UGGT2: variants seen among roughly 807,000 people sequenced by gnomAD.
UGGT2 encodes the protein UDP-glucose glycoprotein glucosyltransferase 2.
Under a neutral mutation model 192.1 loss-of-function variants are expected in UGGT2, and 180 were observed. The observed-to-expected ratio is 0.94, with a 90% confidence interval of 0.83 to 1.06. The LOEUF (loss-of-function observed/expected upper bound fraction) is 1.06, where lower values mean the gene tolerates loss of function less well. UGGT2 is among the 50% of genes least tolerant of loss of function. UGGT2 has a pLI of 0.00. For missense variants in UGGT2, 1,849 were observed against 1,795.7 expected (o/e 1.03, Z -0.54); for synonymous variants, 580 against 591.0 (o/e 0.98, Z 0.27).
chr13:96,051,434 T>C (rs1313748670), intron 1 of UGGT2, among the ~76,000 whole-genome samples: 1 of 152,172 alleles, frequency 6.6e-6, no homozygotes, highest in Non-Finnish European at 1.5e-5. Context: ...TCTATGTACC[T>C]GCACGTTGTG....
chr13:95,981,958 T>C (rs2051139323), intron 10 of UGGT2, among the ~76,000 whole-genome samples: 1 of 152,238 alleles, frequency 6.6e-6, no homozygotes, highest in South Asian at 2.1e-4. Flanking sequence ...TGTCTTTCTC[T>C]TTTCAGTGTT....
chr13:95,927,482 T>A lies in UGGT2; in HGVS notation c.1978-146A>T, dbSNP rs576161971. 7,908 of 795,064 alleles carry A rather than the reference T, an allele frequency of 9.9e-3. 133 individuals carry two copies. Among genetic ancestry groups the A allele is most frequent in the Non-Finnish European group, 0.011 (6,026 of 540,202 alleles). The allele number at this position is 795,064 out of a possible 1,614,324, so 49.3% of individuals were successfully genotyped here. Reference sequence around the variant, plus strand: ...ATACATTTTCTTTCTTTTTTTTTTTTTTTTTTATTCTTCAGTTTGGTAAAC... The same window carrying A: ...ATACATTTTCTTTCTTTTTTTTTTTATTTTTTATTCTTCAGTTTGGTAAAC... On this transcript the variant is annotated intron_variant, in intron 17 of 38. Coordinates refer to ENST00000376747, the MANE Select transcript of UGGT2 (RefSeq NM_020121.4).
chr13:95,989,581 C>A, intron 8 of UGGT2: 1 of 402,370 alleles, frequency 2.5e-6, no homozygotes, highest in South Asian at 1.8e-5. Flanking sequence ...ATGAAACATG[C>A]AATAGTCTTA....
chr13:96,004,904 T>C (rs2051925125), intron 5 of UGGT2, among the ~76,000 whole-genome samples: 1 of 152,038 alleles, frequency 6.6e-6, no homozygotes, highest in Admixed American at 6.6e-5. Flanking sequence ...CAGAATCATA[T>C]GCTATATATT....
rs143346993 is a variant in UGGT2, at chr13:96,024,122, A to G, written c.242-363T>C. On this transcript the variant is annotated intron_variant, in intron 2 of 38. Coordinates refer to ENST00000376747, the MANE Select transcript of UGGT2 (RefSeq NM_020121.4). ...AAGAACAGCAGAAAAGTTAAATAAT[A>G]TGATTGTTAATGAATTTTAAAGTAC... is the stretch of plus-strand genomic sequence containing the variant. 6.1e-3 allele frequency among the ~76,000 whole-genome samples: 935 copies of G among 152,346 alleles called. 7 individuals are homozygous for G. Among genetic ancestry groups the G allele is most frequent in the Non-Finnish European group, 0.011 (720 of 68,036 alleles).
At chr13:95,902,134 G>A (rs2048121209) in intron 21 of UGGT2, among the ~76,000 whole-genome samples, 1 of 152,078 alleles carries the variant, frequency 6.6e-6, no homozygotes, top group Non-Finnish European at 1.5e-5. Context: ...TACGACCAAG[G>A]CTGATCTCAC....
chr13:95,899,059 T>C (rs183659944), intron 22 of UGGT2, among the ~76,000 whole-genome samples: 335 of 152,190 alleles, frequency 2.2e-3, no homozygotes, highest in Non-Finnish European at 3.6e-3. Flanking sequence ...TGAATGGAAT[T>C]TGTATCCTTA....
chr13:96,034,562 G>C (rs1348611805), intron 1 of UGGT2, among the ~76,000 whole-genome samples: 2 of 152,238 alleles, frequency 1.3e-5, no homozygotes, highest in East Asian at 3.8e-4. Context: ...ATGAAAAGGA[G>C]AGAAGAGCTG....
Position 95,801,808 on chromosome 13 carries a change from C to A in UGGT2, c.4533G>T (p.Leu1511Phe), listed in dbSNP as rs752716391. ...ACCAGTGCTAGAGTTCATCATGTGTCAAAACTATAAGGGAGAAAAGTTTAT... is the reference window on the plus strand; with the variant it reads ...ACCAGTGCTAGAGTTCATCATGTGTAAAAACTATAAGGGAGAAAAGTTTAT... ...HLENKKQDTI[L>F]THDEL Residue 1511 changes from leucine (L) to phenylalanine (F), a missense_variant, in exon 39 of 39, where the codon TTG becomes TTT. Physicochemically the swap from Leu to Phe is conservative, Grantham distance 22. Coordinates refer to ENST00000376747, the MANE Select transcript of UGGT2 (RefSeq NM_020121.4). 14 of 1,613,614 alleles carry A rather than the reference C, an allele frequency of 8.7e-6. No homozygotes were observed. Among genetic ancestry groups the A allele is most frequent in the South Asian group, 1.1e-5 (1 of 91,006 alleles).
At chr13:95,994,079 C>T (rs1185770728) in intron 7 of UGGT2, among the ~76,000 whole-genome samples, 2 of 152,036 alleles carry the variant, frequency 1.3e-5, no homozygotes, top group Admixed American at 6.6e-5. Flanking sequence ...TGGGGCTATA[C>T]ATTTGTTCAA....
intron 38 of UGGT2, among the ~76,000 whole-genome samples, chr13:95,819,531 T>A (rs1338287976): frequency 1.5e-5 from 1 of 64,706 alleles, no homozygotes; most frequent in Non-Finnish European, 4.2e-5. Flanking sequence ...TAATAGTATA[T>A]ATGTATATAT....
intron 38 of UGGT2, among the ~76,000 whole-genome samples, chr13:95,822,359 T>C (rs1032888269): frequency 6.6e-6 from 1 of 152,124 alleles, no homozygotes; most frequent in Admixed American, 6.6e-5. Context: ...CCTTCGTGTA[T>C]AGCAGTGCTA....
chr13:95,912,853 G>A (rs1045634697), intron 20 of UGGT2, among the ~76,000 whole-genome samples: 4 of 152,172 alleles, frequency 2.6e-5, no homozygotes, highest in African/African-American at 7.2e-5. Flanking sequence ...CAAGGCTACA[G>A]TAACCAAAAC....
At chr13:96,002,828 A>G (rs1425111635) in intron 5 of UGGT2, among the ~76,000 whole-genome samples, 1 of 152,214 alleles carries the variant, frequency 6.6e-6, no homozygotes, top group Non-Finnish European at 1.5e-5. Flanking sequence ...TCGCTTTCTC[A>G]CTTGTAAATC....
intron 19 of UGGT2, among the ~76,000 whole-genome samples, 189 bp from the exon 20 acceptor site, chr13:95,925,963 A>G (rs552167881): frequency 6.6e-6 from 1 of 152,234 alleles, no homozygotes; most frequent in East Asian, 1.9e-4. Flanking sequence ...ATAAATACAT[A>G]TAAAATTACA....
intron 2 of UGGT2, among the ~76,000 whole-genome samples, chr13:96,026,278 CCA>C (rs931679994): frequency 2.0e-5 from 3 of 152,084 alleles, no homozygotes; most frequent in Non-Finnish European, 2.9e-5. Flanking sequence ...GGCTATTTTT[CCA>C]AGAGTTATTC....
intron 2 of UGGT2, among the ~76,000 whole-genome samples, chr13:96,025,501 C>T (rs1257266321): frequency 6.6e-6 from 1 of 152,122 alleles, no homozygotes; most frequent in Admixed American, 6.5e-5. Context: ...TCCAACTTGC[C>T]AATATTAGAT....
intron 38 of UGGT2, among the ~76,000 whole-genome samples, chr13:95,821,582 G>C (rs1353191106): frequency 1.3e-5 from 2 of 151,734 alleles, no homozygotes; most frequent in Non-Finnish European, 2.9e-5. Context: ...TTTTTAATTA[G>C]GTCCCATTTA....
intron 16 of UGGT2, among the ~76,000 whole-genome samples, chr13:95,939,352 A>G (rs915253236): frequency 7.9e-5 from 12 of 151,982 alleles, no homozygotes; most frequent in African/African-American, 2.9e-4. Flanking sequence ...ACCCCAGAGC[A>G]TTCCTCTTTC....
Sources: allele counts gnomAD v4.1 joint callset (sites outside exome capture counted in the v4.1 genomes callset), GRCh38; gene constraint gnomAD v4.1.1; transcripts MANE v1.5; gene names NCBI Gene and HGNC (gene_info 2026-07-23, HGNC 2026-07-21).